Variants in TENM2 observed in about 807,000 individuals in gnomAD.
TENM2 encodes teneurin-2.
TENM2 carries 52 observed loss-of-function variants against 245.2 expected under a neutral mutation model. The ratio of observed to expected loss-of-function variants is 0.21; its 90% CI spans 0.17 to 0.27. The LOEUF is 0.27. Ranked by LOEUF, TENM2 falls within the 10% of genes least tolerant of loss-of-function variation. TENM2 has a pLI of 1.00. For synonymous variants in TENM2, 1,363 were observed against 1,438.9 expected, an observed-to-expected ratio of 0.95 and a Z score of 1.19; for missense variants, 3,046 against 3,666.8, an observed-to-expected ratio of 0.83 and a Z score of 4.37.
chr5:167,476,518 G>A (rs1292525195), intron 2 of TENM2, among the ~76,000 whole-genome samples: 1 of 152,192 alleles, frequency 6.6e-6, no homozygotes, highest in Non-Finnish European at 1.5e-5. Context: ...GCAAACTGAA[G>A]TCTTACACAG....
Position 167,288,596 on chromosome 5 carries a change from G to A in TENM2, c.226+3533G>A, listed in dbSNP as rs529366055. 9.4e-4 allele frequency among the ~76,000 whole-genome samples: 143 copies of A among 151,976 alleles called. 1 individual carries two copies. The South Asian group carries it at 0.024, about 25-fold the overall frequency. ...AAAAGAAAAAGAAAAGAATAATGGC[G>A]AACATTTGTTGAGTAGTTTGTGTCA... On this transcript the variant is annotated intron_variant, in intron 1 of 28. Coordinates refer to ENST00000518659, the Ensembl canonical transcript of TENM2.
At chr5:167,033,219 C>T in the TENM2 span, among the ~76,000 whole-genome samples, 8 of 152,198 alleles carry the variant, frequency 5.3e-5, no homozygotes, top group Non-Finnish European at 1.0e-4. Context: ...TGATGCACAT[C>T]TATAATTCAC....
At chr5:167,553,850 G>C (rs956394418) in intron 2 of TENM2, among the ~76,000 whole-genome samples, 4 of 152,206 alleles carry the variant, frequency 2.6e-5, no homozygotes, top group Admixed American at 6.5e-5. Context: ...CTTTTCTAAA[G>C]CAGTATTGTG....
the TENM2 span, among the ~76,000 whole-genome samples, chr5:167,156,383 A>G: frequency 6.6e-6 from 1 of 152,202 alleles, no homozygotes; most frequent in African/African-American, 2.4e-5. Flanking sequence ...CAGATATTGT[A>G]GTGCTATCAC....
intron 25 of TENM2, among the ~76,000 whole-genome samples, chr5:168,240,211 C>G (rs1463351005): frequency 6.6e-6 from 1 of 152,194 alleles, no homozygotes; most frequent in East Asian, 1.9e-4. Flanking sequence ...CAGAGCGAGA[C>G]TCTGTCTCAA....
intron 7 of TENM2, among the ~76,000 whole-genome samples, chr5:168,065,204 G>A (rs1440861317): frequency 1.3e-5 from 2 of 152,132 alleles, no homozygotes; most frequent in South Asian, 2.1e-4. Context: ...TGAGTACCAT[G>A]CTCTGACCAA....
intron 12 of TENM2, among the ~76,000 whole-genome samples, chr5:168,158,418 A>G (rs991887375): frequency 1.3e-5 from 2 of 152,112 alleles, no homozygotes; most frequent in African/African-American, 4.8e-5. Context: ...TATTCATTCA[A>G]GCACCTTCTA....
intron 7 of TENM2, among the ~76,000 whole-genome samples, chr5:168,078,664 C>A (rs1791699685): frequency 1.3e-5 from 2 of 152,164 alleles, no homozygotes; most frequent in South Asian, 4.1e-4. Context: ...CCAGTTTTCC[C>A]AGCACCATTT....
intron 2 of TENM2, among the ~76,000 whole-genome samples, chr5:167,633,428 C>T (rs749485285): frequency 4.6e-5 from 7 of 152,018 alleles, no homozygotes; most frequent in Admixed American, 4.6e-4. Context: ...CCCTTGAAAA[C>T]GGAGTGGAAT....
chr5:167,083,920 G>C, the TENM2 span, among the ~76,000 whole-genome samples: 1 of 152,154 alleles, frequency 6.6e-6, no homozygotes, highest in Non-Finnish European at 1.5e-5. Flanking sequence ...ATGCATGTGT[G>C]TTCAAAGTTA....
intron 17 of TENM2, among the ~76,000 whole-genome samples, chr5:168,201,254 C>T (rs868438036): frequency 6.6e-6 from 1 of 152,002 alleles, no homozygotes; most frequent in South Asian, 2.1e-4. Flanking sequence ...ATATACAACA[C>T]TGGCTAATCA....
At chr5:167,808,254 TTTTG>T (rs1204365721) in intron 2 of TENM2, among the ~76,000 whole-genome samples, 2 of 152,170 alleles carry the variant, frequency 1.3e-5, no homozygotes, top group Non-Finnish European at 2.9e-5. Context: ...GGAACTTCTT[TTTTG>T]TTTGTCTGTT....
chr5:167,748,567 T>C (rs893679462), intron 2 of TENM2, among the ~76,000 whole-genome samples: 12 of 148,906 alleles, frequency 8.1e-5, no homozygotes, highest in African/African-American at 2.9e-4. Context: ...TTTGTGTGTG[T>C]TTATTAATCC....
At chr5:167,863,458 T>TACACACACAC (rs35475369) in intron 2 of TENM2, among the ~76,000 whole-genome samples, 1 of 143,232 alleles carries the variant, frequency 7.0e-6, no homozygotes, top group East Asian at 2.0e-4. Flanking sequence ...CTACTAAAAA[T>TACACACACAC]ACACACACAC....
rs76155764 is a variant in TENM2, at chr5:167,635,633, C to CTTTTT, written c.503-240328_503-240324dup. Among the ~76,000 whole-genome samples, 468 of 74,906 alleles carry CTTTTT rather than the reference C, an allele frequency of 6.2e-3. 76 individuals carry two copies. The highest frequency in any genetic ancestry group is 0.038 in the Admixed American group (213 of 5,676). 49.1% of individuals were successfully genotyped at this position (74,906 alleles called of 152,430 possible). A position where few individuals can be genotyped will look rare whatever the true frequency, so the allele number is the denominator to read the frequency against. On this transcript the variant is annotated intron_variant, in intron 2 of 28. Coordinates refer to ENST00000518659, the Ensembl canonical transcript of TENM2. ...GGAATCTGGCTATGATCAGTACAGTCTTTTTTTTTTTTTTTTTTTTTTTTT... is the reference window on the plus strand; with the variant it reads ...GGAATCTGGCTATGATCAGTACAGTCTTTTTTTTTTTTTTTTTTTTTTTTTTTTTT...
chr5:167,491,599 G>C (rs578064643), intron 2 of TENM2, among the ~76,000 whole-genome samples: 1 of 152,258 alleles, frequency 6.6e-6, no homozygotes, highest in African/African-American at 2.4e-5. Flanking sequence ...GTTGTCCGCT[G>C]TTACCCAATG....
chr5:168,065,831 A>G (rs1366140173), intron 7 of TENM2, among the ~76,000 whole-genome samples: 1 of 151,114 alleles, frequency 6.6e-6, no homozygotes, highest in Admixed American at 6.6e-5. Flanking sequence ...AACCTAGAAT[A>G]ATGGTAGCCT....
At chr5:167,613,806 A>C (rs1777617004) in intron 2 of TENM2, among the ~76,000 whole-genome samples, 1 of 152,174 alleles carries the variant, frequency 6.6e-6, no homozygotes, top group South Asian at 2.1e-4. Flanking sequence ...TATAAAGAAA[A>C]TACCAATAGG....
At chr5:167,104,225 C>T in the TENM2 span, among the ~76,000 whole-genome samples, 4,737 of 152,026 alleles carry the variant, frequency 0.031, 255 homozygotes, top group African/African-American at 0.11. Flanking sequence ...GTGCTTGCTA[C>T]TTGGCGGGTA....
Sources: gnomAD v4.1 joint callset for allele counts (sites outside exome capture counted in the v4.1 genomes callset) on GRCh38, gnomAD v4.1.1 for gene constraint, MANE v1.5 for transcripts, NCBI Gene and HGNC (gene_info 2026-07-23, HGNC 2026-07-21) for gene names.